The following PPP6R2 variants were observed in gnomAD, a reference collection of about 807,000 sequenced individuals.
The protein encoded by PPP6R2 is serine/threonine-protein phosphatase 6 regulatory subunit 2.
PPP6R2 carries 62 observed loss-of-function variants against 100.2 expected under a neutral mutation model. That is an observed-to-expected ratio of 0.62 (90% CI 0.50 to 0.76). The LOEUF (loss-of-function observed/expected upper bound fraction) is 0.76. Among genes scored for constraint, PPP6R2 ranks in the 30% least tolerant of loss-of-function variants. The pLI is 0.00. For missense variants in PPP6R2, 1,142 were observed against 1,276.3 expected, an observed-to-expected ratio of 0.89 and a Z score of 1.60; for synonymous variants, 525 against 514.7, an observed-to-expected ratio of 1.02 and a Z score of -0.27.
chr22:50,438,390 T>C, intron 18 of PPP6R2, 92 bp downstream of exon 18: 2 of 1,541,276 alleles, frequency 1.3e-6, no homozygotes, highest in Non-Finnish European at 1.7e-6. Context: ...TTAGCTGGCT[T>C]GCAGAGCAGC....
rs2066574645 is a variant in PPP6R2 at position 50,444,304 on chromosome 22, A to C, written c.*57A>C. The C allele has an allele frequency of 1.3e-6, 2 of 1,552,370 alleles. No individual in the cohort carries two copies. The highest frequency in any genetic ancestry group is 1.7e-6 in the Non-Finnish European group (2 of 1,143,434). ...GTCAGGCTGCCTCCTTAATCGAGAA[A>C]ACTACCTGGTGATGCAATCTTTTTT... On this transcript the variant is annotated 3_prime_UTR_variant, in exon 24 of 24. Coordinates refer to ENST00000612753, the MANE Select transcript of PPP6R2 (RefSeq NM_001242898.2).
At chr22:50,340,565 G>A (rs1020830443), upstream of PPP6R2, among the ~76,000 whole-genome samples, 1 of 143,442 alleles carries the variant, frequency 7.0e-6, no homozygotes, top group South Asian at 2.3e-4. Context: ...GTGGTATGTA[G>A]TGTGTGTGGT....
At chr22:50,353,746 T>C (rs1261871827) in intron 1 of PPP6R2, among the ~76,000 whole-genome samples, 1 of 150,526 alleles carries the variant, frequency 6.6e-6, no homozygotes, top group Admixed American at 6.6e-5. Flanking sequence ...GATGAGGAAA[T>C]GGAAATAAAC....
chr22:50,379,890 A>G (rs895999603), intron 2 of PPP6R2, among the ~76,000 whole-genome samples: 1 of 152,134 alleles, frequency 6.6e-6, no homozygotes, highest in Non-Finnish European at 1.5e-5. Context: ...AAACCCCACT[A>G]ATTGTTTAGT....
chr22:50,431,436 G>C lies in PPP6R2; in HGVS notation c.1335+54G>C. On this transcript the variant is annotated intron_variant, in intron 11 of 23. Coordinates refer to ENST00000612753, the MANE Select transcript of PPP6R2 (RefSeq NM_001242898.2). This position sits in a 1 kb window ranked among gnomAD's most constrained non-coding sequence, Gnocchi z 4.8. ...GCGCCAACTGCGCCCCACTCAGACC[G>C]TGTCCATGTCAGCGCTGACGTGTGC... 1 of 1,512,092 alleles carries C rather than the reference G, an allele frequency of 6.6e-7. No homozygotes were observed. The highest frequency in any genetic ancestry group is 2.3e-5 in the East Asian group (1 of 43,576). 93.7% of individuals were successfully genotyped at this position (1,512,092 alleles called of 1,614,324 possible).
intron 3 of PPP6R2, among the ~76,000 whole-genome samples, chr22:50,398,297 G>T: frequency 6.7e-6 from 1 of 150,146 alleles, no homozygotes; most frequent in South Asian, 2.1e-4. Context: ...TCAGGCTCCC[G>T]AGTTGCTGGG....
chr22:50,338,561 G>C (rs1451903220), upstream of PPP6R2, among the ~76,000 whole-genome samples: 2 of 95,832 alleles, frequency 2.1e-5, no homozygotes, highest in South Asian at 5.0e-4. Context: ...GTGGTATGTA[G>C]TGTGTGTGTT....
intron 6 of PPP6R2, among the ~76,000 whole-genome samples, chr22:50,417,362 G>A (rs1408677827): frequency 6.6e-6 from 1 of 152,136 alleles, no homozygotes; most frequent in African/African-American, 2.4e-5. Context: ...AAAGAGATGG[G>A]GGCTATAAAG....
intron 2 of PPP6R2, among the ~76,000 whole-genome samples, chr22:50,381,894 C>T (rs1292049026): frequency 2.8e-5 from 4 of 142,710 alleles, no homozygotes; most frequent in African/African-American, 7.9e-5. Flanking sequence ...GGTGACAGAG[C>T]GAGACTCCGT....
chr22:50,367,327 A>G (rs752422798), intron 1 of PPP6R2, among the ~76,000 whole-genome samples: 1 of 152,142 alleles, frequency 6.6e-6, no homozygotes, highest in Non-Finnish European at 1.5e-5. Flanking sequence ...ATCAAGGGCT[A>G]CAGAATGAGA....
upstream of PPP6R2, among the ~76,000 whole-genome samples, chr22:50,339,765 T>TA (rs1425281344): frequency 2.2e-4 from 26 of 120,480 alleles, no homozygotes; most frequent in African/African-American, 8.8e-4. Flanking sequence ...GTGTGTGGTG[T>TA]GTGTGGTATG....
At position 50,391,648 on chromosome 22, in the gene PPP6R2, A is replaced by G. The variant is rs571836430; in HGVS notation, c.-16-2245A>G. 3.3e-5 allele frequency among the ~76,000 whole-genome samples: 5 copies of G among 150,154 alleles called. No homozygotes were observed. In the South Asian group the frequency reaches 8.4e-4, roughly 25 times the overall value. ...ATGTTTGTCTTTAATTGAAATGACT[A>G]TTTGCATTTAATGCATTTATTGAAA... is the stretch of plus-strand genomic sequence containing the variant. On this transcript the variant is annotated intron_variant, in intron 2 of 23. Coordinates refer to ENST00000612753, the MANE Select transcript of PPP6R2 (RefSeq NM_001242898.2).
At chr22:50,430,599 C>T (rs970696426) in intron 10 of PPP6R2, among the ~76,000 whole-genome samples, 4 of 152,198 alleles carry the variant, frequency 2.6e-5, no homozygotes, top group African/African-American at 7.2e-5. Flanking sequence ...AGAAGCCAGG[C>T]CTGGTGACTT....
intron 4 of PPP6R2, 54 bp downstream of exon 4, chr22:50,406,929 A>T: frequency 6.5e-7 from 1 of 1,540,294 alleles, no homozygotes; most frequent in Non-Finnish European, 9.0e-7. Context: ...GTGGATGCTG[A>T]CGTGTCCTGC....
At chr22:50,415,980 C>G (rs867773158) in intron 5 of PPP6R2, 112 bp from the exon 6 acceptor site, 2 of 953,778 alleles carry the variant, frequency 2.1e-6, no homozygotes, top group Middle Eastern at 4.6e-4. Context: ...GTGTGTCAGG[C>G]AAAGAGTCTA....
upstream of PPP6R2, chr22:50,343,260 C>A (rs1393030426): frequency 6.7e-6 from 1 of 150,302 alleles, no homozygotes; most frequent in African/African-American, 2.4e-5. Flanking sequence ...GCGGCCCCGC[C>A]CCCGGCCGCG....
chr22:50,384,137 T>A (rs759629126), intron 2 of PPP6R2, among the ~76,000 whole-genome samples: 4 of 152,166 alleles, frequency 2.6e-5, no homozygotes, highest in African/African-American at 7.2e-5. Flanking sequence ...GTATGATTTG[T>A]TGGGCACTTA....
chr22:50,393,604 A>G (rs2056116123), intron 2 of PPP6R2: 1 of 961,790 alleles, frequency 1.0e-6, no homozygotes, highest in African/African-American at 1.8e-5. Context: ...CAGGTCCTGG[A>G]GCTGGGGGTG....
intron 2 of PPP6R2, among the ~76,000 whole-genome samples, chr22:50,373,708 C>T (rs1246565775): frequency 2.0e-5 from 3 of 151,860 alleles, no homozygotes; most frequent in South Asian, 2.1e-4. Context: ...TGCACCACTA[C>T]GGCTAATTTA....
Sources: gnomAD v4.1 joint callset for allele counts (sites outside exome capture counted in the v4.1 genomes callset) on GRCh38, gnomAD v4.1.1 for gene constraint, Gnocchi (gnomAD v3.1) non-coding constraint, MANE v1.5 for transcripts, NCBI Gene and HGNC (gene_info 2026-07-23, HGNC 2026-07-21) for gene names.